The following EHMT1 variants were observed in gnomAD, a reference collection of about 807,000 sequenced individuals.
EHMT1 encodes histone-lysine N-methyltransferase EHMT1.
Under a neutral mutation model 147.2 loss-of-function variants are expected in EHMT1, and 15 were observed. That is an observed-to-expected ratio of 0.10 (90% CI 0.07 to 0.16). EHMT1 has a LOEUF of 0.16. EHMT1 is among the 10% of genes least tolerant of loss of function. The probability of loss-of-function intolerance (pLI) is 1.00; values close to 1 mark genes in which losing one functional copy is unlikely to be tolerated. For missense variants in EHMT1, 1,587 were observed against 1,772.4 expected (o/e 0.90, Z 1.88); for synonymous variants, 795 against 709.6 (o/e 1.12, Z -1.91).
At chr9:137,817,557 G>C (rs531989119) in intron 24 of EHMT1, 32 bp downstream of exon 24, 137 of 1,613,720 alleles carry the variant, frequency 8.5e-5, no homozygotes, top group Non-Finnish European at 1.1e-4. Context: ...CCCAAGCCTG[G>C]TGTCATTTCT....
At chr9:137,793,982 G>C (rs12379579) in intron 16 of EHMT1, among the ~76,000 whole-genome samples, 42,826 of 152,062 alleles carry the variant, frequency 0.28, 6,556 homozygotes, top group Admixed American at 0.41. Context: ...CCACAAAACT[G>C]TATAAAATGT....
At chr9:137,688,862 C>T (rs2134780470) in intron 1 of EHMT1, among the ~76,000 whole-genome samples, 1 of 152,312 alleles carries the variant, frequency 6.6e-6, no homozygotes, top group Admixed American at 6.5e-5. Context: ...CCTGACTGAA[C>T]TGGTCACATC....
At chr9:137,809,349 C>CG (rs1249160012) in intron 18 of EHMT1, among the ~76,000 whole-genome samples, 1 of 152,222 alleles carries the variant, frequency 6.6e-6, no homozygotes, top group Non-Finnish European at 1.5e-5. Flanking sequence ...GAAGAGCCCG[C>CG]GTCCTTCTCT....
chr9:137,743,689 T>C (rs1021872397), intron 5 of EHMT1, among the ~76,000 whole-genome samples, 161 bp downstream of exon 5: 2 of 152,112 alleles, frequency 1.3e-5, no homozygotes, highest in Non-Finnish European at 2.9e-5. Context: ...CCAAGATCAT[T>C]GTGGGGGACT....
chr9:137,624,884 T>A (rs1201280090), intron 1 of EHMT1, among the ~76,000 whole-genome samples: 2 of 151,630 alleles, frequency 1.3e-5, no homozygotes, highest in Non-Finnish European at 2.9e-5. Flanking sequence ...GTTTCATTCT[T>A]CTTTTTTTTT....
rs1334664721 is a variant in EHMT1 at position 137,691,178 on chromosome 9, C to A, written c.22-19789C>A. Among the ~76,000 whole-genome samples the A allele has an allele frequency of 2.0e-5, 3 of 152,010 alleles. No individual in the cohort carries two copies. In the East Asian group the frequency reaches 5.8e-4, roughly 29 times the overall value. On this transcript the variant is annotated intron_variant, in intron 1 of 26. Coordinates refer to ENST00000460843, the MANE Select transcript of EHMT1 (RefSeq NM_024757.5). ...ACTTGGACTATCTAGGGACCTTACA[C>A]AAGTGGACCATACAGTATTTATCTT... is the stretch of plus-strand genomic sequence containing the variant.
intron 1 of EHMT1, among the ~76,000 whole-genome samples, chr9:137,654,213 A>G (rs1170025097): frequency 6.6e-6 from 1 of 152,088 alleles, no homozygotes; most frequent in Non-Finnish European, 1.5e-5. Flanking sequence ...AAAATACAAA[A>G]ATTAGCCTGA....
intron 1 of EHMT1, among the ~76,000 whole-genome samples, chr9:137,634,707 C>CTTTTTTTTTTTTTTTTTTTTT (rs200814810): frequency 8.1e-6 from 1 of 123,494 alleles, no homozygotes; most frequent in Non-Finnish European, 1.7e-5. Context: ...TTTCTTCTTT[C>CTTTTTTTTTTTTTTTTTTTTT]TTTTTTTTTT....
chr9:137,653,351 C>T (rs1033790536), intron 1 of EHMT1, among the ~76,000 whole-genome samples: 4 of 152,172 alleles, frequency 2.6e-5, no homozygotes, highest in African/African-American at 9.7e-5. Context: ...CCCATAGCCT[C>T]GGTGCGTAGT....
chr9:137,817,732 T>G, intron 24 of EHMT1: 1 of 673,556 alleles, frequency 1.5e-6, no homozygotes, highest in South Asian at 1.9e-5. Context: ...AGCCCAGGAG[T>G]GCATTTAAGA....
chr9:137,834,230 T>G, intron 25 of EHMT1, 119 bp from the exon 26 acceptor site: 2 of 1,352,770 alleles, frequency 1.5e-6, no homozygotes, highest in Non-Finnish European at 1.0e-6. Flanking sequence ...AGGCCCCTCC[T>G]GCATGGCGGG....
chr9:137,783,414 T>C (rs893740944), intron 15 of EHMT1, among the ~76,000 whole-genome samples: 1 of 152,268 alleles, frequency 6.6e-6, no homozygotes, highest in African/African-American at 2.4e-5. Flanking sequence ...CAGTAATTCC[T>C]TTCTGCTCTT....
intron 25 of EHMT1, among the ~76,000 whole-genome samples, chr9:137,819,848 G>A (rs927031890): frequency 1.3e-4 from 20 of 151,966 alleles, no homozygotes; most frequent in African/African-American, 1.7e-4. Flanking sequence ...GGGCCACTCC[G>A]GGAGCCTGGT....
chr9:137,795,743 G>T (rs963187807), intron 16 of EHMT1, among the ~76,000 whole-genome samples: 11 of 152,174 alleles, frequency 7.2e-5, no homozygotes, highest in African/African-American at 2.7e-4. Flanking sequence ...AAGGAGGGCA[G>T]TGTGAAAGTG....
At position 137,752,267 on chromosome 9, in the gene EHMT1, C is replaced by G. The variant is rs1044893501; in HGVS notation, c.1171-64C>G. On this transcript the variant is annotated intron_variant, in intron 6 of 26. Coordinates refer to ENST00000460843, the MANE Select transcript of EHMT1 (RefSeq NM_024757.5). Reference sequence around the variant, plus strand: ...TTTGCTTTGGATCCGTCATCTGCCACTAAAGGATGTAATTGGTTTCTGTTT... The same window carrying G: ...TTTGCTTTGGATCCGTCATCTGCCAGTAAAGGATGTAATTGGTTTCTGTTT... 1.4e-5 allele frequency: 22 copies of G among 1,570,864 alleles called. No individual in the cohort carries two copies. In the Admixed American group the frequency reaches 1.9e-4, roughly 14 times the overall value.
intron 18 of EHMT1, among the ~76,000 whole-genome samples, chr9:137,806,026 G>A (rs1051315897): frequency 2.2e-5 from 3 of 137,514 alleles, no homozygotes; most frequent in Admixed American, 7.4e-5. Flanking sequence ...GCAGTGGTGC[G>A]ATAGCTCACT....
At chr9:137,661,600 CT>C (rs1939088673) in intron 1 of EHMT1, among the ~76,000 whole-genome samples, 1 of 151,680 alleles carries the variant, frequency 6.6e-6, no homozygotes, top group South Asian at 2.1e-4. Context: ...ATTCTCCTGC[CT>C]CAGCCTCCCG....
At chr9:137,794,877 A>T (rs1952781826) in intron 16 of EHMT1, among the ~76,000 whole-genome samples, 1 of 152,192 alleles carries the variant, frequency 6.6e-6, no homozygotes, top group African/African-American at 2.4e-5. Flanking sequence ...AAGGCAGATA[A>T]GCTTGCTTGG....
At chr9:137,645,696 G>C (rs1265800635) in intron 1 of EHMT1, among the ~76,000 whole-genome samples, 1 of 152,134 alleles carries the variant, frequency 6.6e-6, no homozygotes, top group Admixed American at 6.5e-5. Context: ...TCTTAGAGAA[G>C]GGTTGGCTTT....
Sources: gnomAD v4.1 joint callset for allele counts (sites outside exome capture counted in the v4.1 genomes callset) on GRCh38, gnomAD v4.1.1 for gene constraint, MANE v1.5 for transcripts, NCBI Gene and HGNC (gene_info 2026-07-23, HGNC 2026-07-21) for gene names.